PBX1: variants seen among roughly 807,000 people sequenced by gnomAD.
PBX1 encodes the protein pre-B-cell leukemia transcription factor 1.
In PBX1, 6 loss-of-function variants were observed where a neutral mutation model predicts 53.4. The observed-to-expected ratio is 0.11, with a 90% confidence interval of 0.06 to 0.22. The LOEUF is 0.22. Ranked by LOEUF, PBX1 falls within the 10% of genes least tolerant of loss-of-function variation. PBX1 has a pLI of 1.00. For synonymous variants in PBX1, 204 were observed against 212.3 expected (o/e 0.96, Z 0.34); for missense variants, 251 against 551.4 (o/e 0.46, Z 5.46).
chr1:164,732,843 A>G (rs945050679), intron 2 of PBX1, among the ~76,000 whole-genome samples: 2 of 152,108 alleles, frequency 1.3e-5, no homozygotes, highest in Admixed American at 6.5e-5. Context: ...TTTCTTAGCT[A>G]TATACAGTCT....
At chr1:164,628,726 TTC>T (rs943320927) in intron 2 of PBX1, among the ~76,000 whole-genome samples, 8 of 152,100 alleles carry the variant, frequency 5.3e-5, no homozygotes, top group Admixed American at 5.2e-4. Flanking sequence ...ATCTCTCTCT[TTC>T]TCTCTCTATC....
At chr1:164,761,177 G>A (rs981062070) in intron 2 of PBX1, among the ~76,000 whole-genome samples, 4 of 152,172 alleles carry the variant, frequency 2.6e-5, no homozygotes, top group African/African-American at 9.7e-5. Flanking sequence ...GGACACATTG[G>A]TGGTCAGGGA....
At chr1:164,649,739 C>G (rs1659677477) in intron 2 of PBX1, among the ~76,000 whole-genome samples, 1 of 152,208 alleles carries the variant, frequency 6.6e-6, no homozygotes, top group African/African-American at 2.4e-5. Flanking sequence ...CAAACTTAAA[C>G]TCATGCAACT....
intron 2 of PBX1, chr1:164,590,528 G>T: frequency 2.2e-6 from 1 of 455,224 alleles, no homozygotes; most frequent in Non-Finnish European, 4.4e-6. Context: ...GAGCCTTAAT[G>T]AGGAGGACAA....
chr1:164,600,048 T>C (rs984943931), intron 2 of PBX1, among the ~76,000 whole-genome samples: 1 of 152,126 alleles, frequency 6.6e-6, no homozygotes, highest in African/African-American at 2.4e-5. Flanking sequence ...CCTGTCCTAA[T>C]GTTGAGTACT....
chr1:164,684,613 C>T (rs888904604), intron 2 of PBX1: 1 of 152,148 alleles, frequency 6.6e-6, no homozygotes, highest in African/African-American at 2.4e-5. Flanking sequence ...ACCCAAATGA[C>T]CTCTCTGAGC....
chr1:164,607,970 A>C (rs1340606861), intron 2 of PBX1, among the ~76,000 whole-genome samples: 1 of 152,212 alleles, frequency 6.6e-6, no homozygotes, highest in Non-Finnish European at 1.5e-5. Flanking sequence ...GAGCTCTGTG[A>C]AAGCAGGGAT....
At position 164,559,375 on chromosome 1, in the gene PBX1, A is replaced by G. The variant is rs1006850756; in HGVS notation, c.-448A>G. 1.8e-5 allele frequency: 4 copies of G among 219,306 alleles called. No individual in the cohort carries two copies. The highest frequency in any genetic ancestry group is 6.7e-5 in the East Asian group (1 of 14,864). The allele number at this position is 219,306 out of a possible 1,614,324, so 13.6% of individuals were successfully genotyped here. Reference sequence around the variant, plus strand: ...GTGGGGGGGGAAAGTTTGCATTGCAATCCCCCTGCCTTCCTCTCCTTTCTC... The same window carrying G: ...GTGGGGGGGGAAAGTTTGCATTGCAGTCCCCCTGCCTTCCTCTCCTTTCTC... On this transcript the variant is annotated 5_prime_UTR_variant, in exon 1 of 9. Transcript: ENST00000420696.
intron 8 of PBX1, among the ~76,000 whole-genome samples, chr1:164,835,499 T>C (rs556666734): frequency 4.7e-4 from 72 of 152,300 alleles, no homozygotes; most frequent in Admixed American, 2.9e-3. Context: ...TCAGTCTTTG[T>C]CAATTATCAA....
intron 2 of PBX1, among the ~76,000 whole-genome samples, chr1:164,726,434 C>T (rs1664703605): frequency 6.6e-6 from 1 of 152,104 alleles, no homozygotes; most frequent in Non-Finnish European, 1.5e-5. Context: ...CAAAGATTGC[C>T]ACGTGATCTG....
At chr1:164,733,253 A>G (rs1274686688) in intron 2 of PBX1, among the ~76,000 whole-genome samples, 3 of 152,170 alleles carry the variant, frequency 2.0e-5, no homozygotes, top group African/African-American at 7.2e-5. Context: ...CTCACCCACT[A>G]GACTGAGAAC....
chr1:164,598,010 A>T (rs1053711780), intron 2 of PBX1, among the ~76,000 whole-genome samples: 1 of 152,168 alleles, frequency 6.6e-6, no homozygotes, highest in African/African-American at 2.4e-5. Context: ...GGGAAGTCCC[A>T]GAGCATGGCT....
intron 8 of PBX1, among the ~76,000 whole-genome samples, chr1:164,824,806 A>G (rs1670367162): frequency 6.6e-6 from 1 of 152,180 alleles, no homozygotes. Flanking sequence ...TGTCAATCAG[A>G]CATACTTAAA....
At chr1:164,699,538 A>G (rs1662985191) in intron 2 of PBX1, among the ~76,000 whole-genome samples, 1 of 152,168 alleles carries the variant, frequency 6.6e-6, no homozygotes, top group South Asian at 2.1e-4. Context: ...CATGTGCTTG[A>G]CTGTGCCTCT....
intron 2 of PBX1, among the ~76,000 whole-genome samples, chr1:164,712,662 G>A (rs1353373927): frequency 3.3e-5 from 5 of 152,190 alleles, no homozygotes; most frequent in African/African-American, 1.2e-4. Flanking sequence ...GAGGCAGAGG[G>A]TCAGCCCAGC....
At position 164,822,141 on chromosome 1, in the gene PBX1, T is replaced by A. The variant is rs776509084; in HGVS notation, c.1200+515T>A. On this transcript the variant is annotated intron_variant, in intron 8 of 8. Coordinates refer to ENST00000420696, the MANE Select transcript of PBX1 (RefSeq NM_002585.4). ...AGACCATCTTCTACTTGTTCTTGGGTACGCTGGCGGCTCCTGACTAGCATG... is the reference window on the plus strand; with the variant it reads ...AGACCATCTTCTACTTGTTCTTGGGAACGCTGGCGGCTCCTGACTAGCATG... 2.6e-5 allele frequency among the ~76,000 whole-genome samples: 4 copies of A among 152,186 alleles called. No homozygotes were observed. In the South Asian group the frequency reaches 6.2e-4, roughly 24 times the overall value.
chr1:164,674,357 C>G (rs1369422234), intron 2 of PBX1: 1 of 152,212 alleles, frequency 6.6e-6, no homozygotes, highest in Admixed American at 6.5e-5. Flanking sequence ...AGTTGATTCT[C>G]TGGCTTTGGT....
chr1:164,631,435 T>C (rs574196350), intron 2 of PBX1, among the ~76,000 whole-genome samples: 5 of 152,166 alleles, frequency 3.3e-5, no homozygotes, highest in African/African-American at 1.2e-4. Context: ...AAAAATTAAG[T>C]AAAAGAGGAA....
rs185527619 is a variant in PBX1, at chr1:164,737,317, T to G, written c.266-55177T>G. On this transcript the variant is annotated intron_variant, in intron 2 of 8. Coordinates refer to ENST00000420696, the MANE Select transcript of PBX1 (RefSeq NM_002585.4). Reference sequence around the variant, plus strand: ...ATAAAAAACTAAATTAGGATGAAATTAGAAAAATATATAAATATATCAGAG... The same window carrying G: ...ATAAAAAACTAAATTAGGATGAAATGAGAAAAATATATAAATATATCAGAG... Among the ~76,000 whole-genome samples, 344 of 152,274 alleles carry G rather than the reference T, an allele frequency of 2.3e-3. 1 individual carries two copies. Among genetic ancestry groups the G allele is most frequent in the African/African-American group, 8.0e-3 (332 of 41,560 alleles).
Sources: allele counts gnomAD v4.1 joint callset (sites outside exome capture counted in the v4.1 genomes callset), GRCh38; gene constraint gnomAD v4.1.1; transcripts MANE v1.5; gene names NCBI Gene and HGNC (gene_info 2026-07-23, HGNC 2026-07-21).